DST: variants seen among roughly 807,000 people sequenced by gnomAD.
DST encodes dystonin.
DST carries 253 observed loss-of-function variants against 875.2 expected under a neutral mutation model. The ratio of observed to expected loss-of-function variants is 0.29; its 90% CI spans 0.26 to 0.32. DST has a LOEUF of 0.32. Ranked by LOEUF, DST falls within the 10% of genes least tolerant of loss-of-function variation. The pLI is 1.00. For synonymous variants in DST, 3,124 were observed against 3,197.1 expected (o/e 0.98, Z 0.77); for missense variants, 8,287 against 9,111.6 (o/e 0.91, Z 3.68).
rs115183262 is a variant in DST, at chr6:56,826,832, G to A, written c.625+24565C>T. Among the ~76,000 whole-genome samples the A allele has an allele frequency of 1.8e-3, 276 of 152,190 alleles. 1 individual carries two copies. The highest frequency in any genetic ancestry group is 6.5e-3 in the African/African-American group (270 of 41,514). On this transcript the variant is annotated intron_variant, in intron 4 of 103. Transcript: ENST00000680361. ...CCCACAGGAAAGATTCTGAAATACT[G>A]CTGGGTCAAGGAGTAGATGTGTCTT...
intron 4 of DST, among the ~76,000 whole-genome samples, chr6:56,796,194 C>T (rs894305800): frequency 2.0e-5 from 3 of 152,158 alleles, no homozygotes; most frequent in Admixed American, 1.3e-4. Flanking sequence ...ATAACGTTAA[C>T]AACTGGGGGT....
intron 47 of DST, among the ~76,000 whole-genome samples, chr6:56,594,619 A>G (rs1053273698): frequency 2.0e-5 from 3 of 152,220 alleles, no homozygotes; most frequent in Admixed American, 2.0e-4. Flanking sequence ...GATCCTGGAA[A>G]AACTTTTAAA....
At chr6:56,617,629 A>G (rs1270320913) in intron 36 of DST, among the ~76,000 whole-genome samples, 1 of 152,218 alleles carries the variant, frequency 6.6e-6, no homozygotes, top group Non-Finnish European at 1.5e-5. Flanking sequence ...TATTAAAATT[A>G]TATCTTTAAA....
In DST at chr6:56,572,788, C is replaced by T; in HGVS notation, c.13513G>A (p.Val4505Met). The T allele has an allele frequency of 1.9e-6, 3 of 1,606,786 alleles. No homozygotes were observed. Among genetic ancestry groups the T allele is most frequent in the Non-Finnish European group, 1.7e-6 (2 of 1,177,228 alleles). The change falls in exon 52 of 104, where the codon GTG becomes ATG. Residue 4505 changes from valine (V) to methionine (M), a missense_variant. By Grantham distance (21) the Val-to-Met change is conservative. This residue lies in a region of DST where 1,513 missense variants were observed against 1,677.8 expected (regional missense o/e 0.90). Transcript: ENST00000680361. ...AATTCAGTAACATCTTTTCCTGGCACATCTACTTCAGTAAGAGCCTGAGTT... is the reference window on the plus strand; with the variant it reads ...AATTCAGTAACATCTTTTCCTGGCATATCTACTTCAGTAAGAGCCTGAGTT... ...TKTQALTEVD[V>M]PGKDVTELSQ...
Position 56,604,871 on chromosome 6 carries a change from T to A in DST, c.9757A>T (p.Ile3253Phe), listed in dbSNP as rs2098480281. 4.3e-6 allele frequency: 7 copies of A among 1,612,750 alleles called. No individual in the cohort carries two copies. The highest frequency in any genetic ancestry group is 5.9e-6 in the Non-Finnish European group (7 of 1,179,296). The change falls in exon 40 of 104, where the codon ATC (isoleucine) becomes TTC (phenylalanine). Residue 3253 changes from isoleucine to phenylalanine, a missense_variant. Ile to Phe is a conservative substitution (Grantham distance 21). This residue lies in a region of DST where 3,138 missense variants were observed against 3,116.6 expected (regional missense o/e 1.01). Coordinates refer to ENST00000680361, the MANE Select transcript of DST (RefSeq NM_001374736.1). ...QSNDLCSKES[I>F]SGGGTEISQF... Reference sequence around the variant, plus strand: ...GAAATTTCTGTTCCTCCTCCTGAGATGCTTTCTTTACTACAAAGATCATTG... The same window carrying A: ...GAAATTTCTGTTCCTCCTCCTGAGAAGCTTTCTTTACTACAAAGATCATTG...
intron 3 of DST, among the ~76,000 whole-genome samples, chr6:56,869,523 A>G (rs1438601129): frequency 2.0e-5 from 3 of 152,126 alleles, no homozygotes; most frequent in African/African-American, 7.2e-5. Flanking sequence ...AACTAGGAAA[A>G]CCAAAGAAAA....
At chr6:56,506,566 T>A (rs1445310047) in intron 76 of DST, 22 bp from the exon 77 acceptor site, 2 of 1,609,650 alleles carry the variant, frequency 1.2e-6, no homozygotes, top group African/African-American at 2.7e-5. Context: ...ATGTTAGAAT[T>A]CTTTTAGTGC....
At chr6:56,840,514 T>C (rs1347090472) in intron 4 of DST, among the ~76,000 whole-genome samples, 1 of 152,186 alleles carries the variant, frequency 6.6e-6, no homozygotes, top group Non-Finnish European at 1.5e-5. Context: ...TCCATGAATA[T>C]ATTTTACAAG....
chr6:56,561,522 G>C lies in DST; in HGVS notation c.14096C>G (p.Thr4699Ser). 1 of 1,613,276 alleles carries C rather than the reference G, an allele frequency of 6.2e-7. No individual in the cohort carries two copies. Among genetic ancestry groups the C allele is most frequent in the Non-Finnish European group, 8.5e-7 (1 of 1,179,506 alleles). The change falls in exon 57 of 104, where the codon ACT (threonine) becomes AGT (serine). Residue 4699 changes from threonine to serine, a missense_variant. Thr to Ser is a moderately conservative substitution (Grantham distance 58, BLOSUM62 1). Transcript: ENST00000680361. ...KGLTSIKKDM[T>S]DISHGYEDLG... Reference sequence around the variant, plus strand: ...ATCTTCATAACCATGACTTATGTCAGTCATGTCCTTTTTAATGGATGTTAA... The same window carrying C: ...ATCTTCATAACCATGACTTATGTCACTCATGTCCTTTTTAATGGATGTTAA...
intron 86 of DST, among the ~76,000 whole-genome samples, chr6:56,489,063 C>G (rs1322660082): frequency 1.3e-5 from 2 of 152,116 alleles, no homozygotes; most frequent in African/African-American, 4.8e-5. Context: ...TTTTCTCACT[C>G]TATTGTTTAA....
intron 24 of DST, 70 bp from the exon 25 acceptor site, chr6:56,635,023 CA>C: frequency 7.7e-7 from 1 of 1,297,412 alleles, no homozygotes. Context: ...GCACTTTACA[CA>C]AATTAAACTT....
chr6:56,517,306 C>T lies in DST; in HGVS notation c.18250-1G>A. The T allele has an allele frequency of 6.2e-7, 1 of 1,609,214 alleles. No individual in the cohort carries two copies. Among genetic ancestry groups the T allele is most frequent in the Non-Finnish European group, 8.5e-7 (1 of 1,177,084 alleles). ...GTCTCAAAATCTCCATGGTGAATGTCTGTGATTTACCAAAATAAAGACAAA... is the reference window on the plus strand; with the variant it reads ...GTCTCAAAATCTCCATGGTGAATGTTTGTGATTTACCAAAATAAAGACAAA... On this transcript the variant is annotated splice_acceptor_variant, in intron 70 of 103. Transcript: ENST00000680361. LOFTEE classifies it high-confidence loss of function.
At chr6:56,836,393 G>T (rs1205362117) in intron 4 of DST, among the ~76,000 whole-genome samples, 1 of 152,070 alleles carries the variant, frequency 6.6e-6, no homozygotes, top group South Asian at 2.1e-4. Context: ...ATATGAGTAG[G>T]TTGACATATA....
At chr6:56,937,633 AG>A (rs1210465360) in intron 2 of DST, among the ~76,000 whole-genome samples, 1 of 152,224 alleles carries the variant, frequency 6.6e-6, no homozygotes, top group Non-Finnish European at 1.5e-5. Context: ...CATACAACCT[AG>A]CAATTTTACT....
At chr6:56,793,282 G>C (rs945220710) in intron 4 of DST, among the ~76,000 whole-genome samples, 1 of 151,812 alleles carries the variant, frequency 6.6e-6, no homozygotes, top group East Asian at 1.9e-4. Context: ...ATGTAAAGAG[G>C]ATGTCCTTAT....
intron 79 of DST, 117 bp downstream of exon 79, chr6:56,501,403 G>T (rs2096119605): frequency 8.8e-7 from 1 of 1,137,384 alleles, no homozygotes; most frequent in Non-Finnish European, 1.2e-6. Context: ...GCTCCTCATG[G>T]TTAAAATAGA....
chr6:56,829,234 C>G (rs931115530), intron 4 of DST, among the ~76,000 whole-genome samples: 5 of 152,136 alleles, frequency 3.3e-5, no homozygotes, highest in East Asian at 1.9e-4. Context: ...CCTAGACATG[C>G]AAGAACAACA....
chr6:56,765,144 C>G (rs2152969410), intron 4 of DST, among the ~76,000 whole-genome samples: 1 of 152,280 alleles, frequency 6.6e-6, no homozygotes, highest in South Asian at 2.1e-4. Flanking sequence ...GGACAATAGT[C>G]TATAATCTCT....
At chr6:56,799,715 G>A (rs1291998427) in intron 4 of DST, among the ~76,000 whole-genome samples, 1 of 151,566 alleles carries the variant, frequency 6.6e-6, no homozygotes, top group Non-Finnish European at 1.5e-5. Context: ...TCCACCTCTT[G>A]GGCTCAAGCA....
Sources: allele counts gnomAD v4.1 joint callset (sites outside exome capture counted in the v4.1 genomes callset), GRCh38; gene constraint gnomAD v4.1.1; regional missense constraint gnomAD v4.1.1; transcripts MANE v1.5; gene names NCBI Gene and HGNC (gene_info 2026-07-23, HGNC 2026-07-21).